Variants in LDB2 observed in about 807,000 individuals in gnomAD.
LDB2 encodes LIM domain-binding protein 2.
Under a neutral mutation model 44.3 loss-of-function variants are expected in LDB2, and 12 were observed. That is an observed-to-expected ratio of 0.27 (90% CI 0.17 to 0.44). The LOEUF (loss-of-function observed/expected upper bound fraction) is 0.44, where lower values mean the gene tolerates loss of function less well. LDB2 is among the 20% of genes least tolerant of loss of function. The pLI is 1.00. For synonymous variants in LDB2, 164 were observed against 174.8 expected, an observed-to-expected ratio of 0.94 and a Z score of 0.49; for missense variants, 344 against 473.5, an observed-to-expected ratio of 0.73 and a Z score of 2.54.
At chr4:16,570,114 A>G (rs1235391126) in intron 5 of LDB2, among the ~76,000 whole-genome samples, 1 of 152,146 alleles carries the variant, frequency 6.6e-6, no homozygotes, top group African/African-American at 2.4e-5. Flanking sequence ...TATTCACTGC[A>G]TATCAGGTCC....
At chr4:16,727,852 G>A (rs928027953) in intron 2 of LDB2, among the ~76,000 whole-genome samples, 1 of 152,092 alleles carries the variant, frequency 6.6e-6, no homozygotes, top group African/African-American at 2.4e-5. Context: ...ATATAATAAT[G>A]AAATGTTAAT....
At chr4:16,842,271 A>C (rs1012124605) in intron 1 of LDB2, among the ~76,000 whole-genome samples, 7 of 152,210 alleles carry the variant, frequency 4.6e-5, no homozygotes, top group Non-Finnish European at 8.8e-5. Flanking sequence ...CTGACCTTGA[A>C]GAGGCTTGTT....
intron 2 of LDB2, among the ~76,000 whole-genome samples, chr4:16,619,324 C>A (rs1728216624): frequency 6.6e-6 from 1 of 152,176 alleles, no homozygotes; most frequent in African/African-American, 2.4e-5. Context: ...TCCATCCCAC[C>A]AGGTGAGAAC....
At chr4:16,734,670 AAG>A (rs1761480586) in intron 2 of LDB2, among the ~76,000 whole-genome samples, 1 of 150,916 alleles carries the variant, frequency 6.6e-6, no homozygotes, top group Non-Finnish European at 1.5e-5. Flanking sequence ...AAAGATGAGG[AAG>A]AGCTGCTGCT....
chr4:16,656,595 T>C (rs1485917202), intron 2 of LDB2, among the ~76,000 whole-genome samples: 1 of 152,248 alleles, frequency 6.6e-6, no homozygotes, highest in Non-Finnish European at 1.5e-5. Context: ...CATGACTTTA[T>C]GGTGTCGGCA....
At chr4:16,801,914 AT>A in intron 1 of LDB2, among the ~76,000 whole-genome samples, 1 of 152,200 alleles carries the variant, frequency 6.6e-6, no homozygotes, top group Non-Finnish European at 1.5e-5. Context: ...TTTAGTTATC[AT>A]TTGAAAACAC....
chr4:16,774,620 T>C (rs867295347), intron 1 of LDB2, among the ~76,000 whole-genome samples: 25 of 152,188 alleles, frequency 1.6e-4, no homozygotes, highest in Admixed American at 3.3e-4. Flanking sequence ...ATCCTTATTT[T>C]ACAGGTGAAG....
At chr4:16,744,146 G>GGTTTGTTT (rs143933539) in intron 2 of LDB2, among the ~76,000 whole-genome samples, 6,385 of 151,830 alleles carry the variant, frequency 0.042, 473 homozygotes, top group African/African-American at 0.15. Flanking sequence ...AGACTCATGT[G>GGTTTGTTT]GTTTGTTTGT....
intron 5 of LDB2, among the ~76,000 whole-genome samples, chr4:16,551,813 G>A (rs1045699960): frequency 6.6e-6 from 1 of 152,084 alleles, no homozygotes; most frequent in African/African-American, 2.4e-5. Flanking sequence ...CGCCGCACCC[G>A]ACCAACTATT....
At chr4:16,616,210 T>C (rs76069284) in intron 2 of LDB2, among the ~76,000 whole-genome samples, 14,680 of 152,208 alleles carry the variant, frequency 0.096, 823 homozygotes, top group South Asian at 0.14. Context: ...GAATGCGTAG[T>C]AGGCGTTTCA....
chr4:16,701,304 T>C (rs561191226), intron 2 of LDB2, among the ~76,000 whole-genome samples: 31 of 152,208 alleles, frequency 2.0e-4, no homozygotes, highest in African/African-American at 7.5e-4. Flanking sequence ...CTGACCAACC[T>C]CAACACCCAT....
chr4:16,826,880 A>G (rs1483619377), intron 1 of LDB2, among the ~76,000 whole-genome samples: 1 of 152,228 alleles, frequency 6.6e-6, no homozygotes, highest in African/African-American at 2.4e-5. Flanking sequence ...GAGCTTAGTG[A>G]GGCATCAAGA....
intron 1 of LDB2, among the ~76,000 whole-genome samples, chr4:16,878,776 A>G (rs966701371): frequency 1.3e-5 from 2 of 152,214 alleles, no homozygotes; most frequent in Non-Finnish European, 2.9e-5. Context: ...TTCTTTTAAA[A>G]TGCCATCTTG....
chr4:16,682,860 T>C (rs975591011), intron 2 of LDB2, among the ~76,000 whole-genome samples: 1 of 152,252 alleles, frequency 6.6e-6, no homozygotes, highest in Non-Finnish European at 1.5e-5. Flanking sequence ...GGAAACAGCG[T>C]GCTAGCTATT....
intron 2 of LDB2, among the ~76,000 whole-genome samples, chr4:16,695,188 G>A (rs1180138296): frequency 2.6e-5 from 4 of 152,238 alleles, no homozygotes; most frequent in Non-Finnish European, 4.4e-5. Context: ...TTCTAGGTAC[G>A]GTACCTACAG....
At chr4:16,854,425 C>A (rs952984477) in intron 1 of LDB2, among the ~76,000 whole-genome samples, 1 of 151,332 alleles carries the variant, frequency 6.6e-6, no homozygotes, top group African/African-American at 2.4e-5. Context: ...CTTTCTTCCC[C>A]TCAATCCAAA....
At chr4:16,681,235 T>A (rs564871781) in intron 2 of LDB2, among the ~76,000 whole-genome samples, 2 of 152,322 alleles carry the variant, frequency 1.3e-5, no homozygotes, top group South Asian at 4.1e-4. Flanking sequence ...AAATAGGTTT[T>A]CCCTGACTGG....
intron 2 of LDB2, among the ~76,000 whole-genome samples, chr4:16,724,380 T>C (rs146466658): frequency 1.6e-4 from 24 of 151,106 alleles, no homozygotes; most frequent in African/African-American, 5.3e-4. Context: ...TCACCTTAGT[T>C]TGGCAACTAG....
intron 2 of LDB2, among the ~76,000 whole-genome samples, chr4:16,663,639 C>T (rs115577429): frequency 0.016 from 2,489 of 152,304 alleles, 28 homozygotes; most frequent in South Asian, 0.056. Flanking sequence ...CGTTTGTGTC[C>T]TTGGTGTTGA....
Sources: gnomAD v4.1 joint callset for allele counts (sites outside exome capture counted in the v4.1 genomes callset) on GRCh38, gnomAD v4.1.1 for gene constraint, MANE v1.5 for transcripts, NCBI Gene and HGNC (gene_info 2026-07-23, HGNC 2026-07-21) for gene names.